The following SULF2 variants were observed in gnomAD, a reference collection of about 807,000 sequenced individuals.
The protein encoded by SULF2 is extracellular sulfatase Sulf-2.
Under a neutral mutation model 107.7 loss-of-function variants are expected in SULF2, and 52 were observed. The observed-to-expected ratio is 0.48, with a 90% CI of 0.39 to 0.61. The LOEUF (loss-of-function observed/expected upper bound fraction) is 0.61. Ranked by LOEUF, SULF2 falls within the 20% of genes least tolerant of loss-of-function variation. The pLI, the probability that SULF2 is intolerant of heterozygous loss-of-function variation, is 0.00. For synonymous variants in SULF2, 460 were observed against 464.3 expected, an observed-to-expected ratio of 0.99 and a Z score of 0.12; for missense variants, 993 against 1,177.3, an observed-to-expected ratio of 0.84 and a Z score of 2.29.
chr20:47,681,928 G>A (rs192222349), intron 7 of SULF2, among the ~76,000 whole-genome samples: 1 of 152,262 alleles, frequency 6.6e-6, no homozygotes, highest in East Asian at 1.9e-4. Flanking sequence ...CAAATGATCT[G>A]CCCACCTGGG....
Position 47,688,490 on chromosome 20 carries a change from C to T in SULF2, c.737+1636G>A, listed in dbSNP as rs146907144. 4.0e-3 allele frequency among the ~76,000 whole-genome samples: 611 copies of T among 152,314 alleles called. 4 individuals carry two copies. Among genetic ancestry groups the T allele is most frequent in the African/African-American group, 0.014 (574 of 41,572 alleles). Reference sequence around the variant, plus strand: ...CGCTCGCTGCTGTTTGGGGTGAAGCCGGCACCTCTTTTAGAGATGCTGCCG... The same window carrying T: ...CGCTCGCTGCTGTTTGGGGTGAAGCTGGCACCTCTTTTAGAGATGCTGCCG... On this transcript the variant is annotated intron_variant, in intron 5 of 20. Coordinates refer to ENST00000688720, the MANE Select transcript of SULF2 (RefSeq NM_001387048.1).
chr20:47,715,725 G>C (rs1159880117), intron 3 of SULF2, among the ~76,000 whole-genome samples: 1 of 152,114 alleles, frequency 6.6e-6, no homozygotes, highest in Non-Finnish European at 1.5e-5. Flanking sequence ...GGGATTACAG[G>C]TGTTCGCCAC....
chr20:47,746,354 G>A (rs2090035680), intron 2 of SULF2, among the ~76,000 whole-genome samples: 1 of 152,190 alleles, frequency 6.6e-6, no homozygotes, highest in South Asian at 2.1e-4. Flanking sequence ...GGGCTATGAG[G>A]TCGAGCCACA....
chr20:47,659,861 T>C, intron 18 of SULF2, 131 bp from the exon 19 acceptor site: 3 of 694,062 alleles, frequency 4.3e-6, no homozygotes, highest in Non-Finnish European at 5.0e-6. Flanking sequence ...CTACTCAGAG[T>C]AGACTGAATT....
At chr20:47,783,129 A>G (rs1398063105) in intron 1 of SULF2, among the ~76,000 whole-genome samples, 25 of 152,230 alleles carry the variant, frequency 1.6e-4, no homozygotes, top group Admixed American at 1.6e-3. Context: ...TGAGTAAGGT[A>G]TAAGGGCTTA....
At chr20:47,739,283 A>G (rs536311679) in intron 2 of SULF2, among the ~76,000 whole-genome samples, 57 of 152,322 alleles carry the variant, frequency 3.7e-4, no homozygotes, top group African/African-American at 1.3e-3. Flanking sequence ...GCAACCCCCT[A>G]GAAACCTGAA....
rs1286603977 is a variant in SULF2, at chr20:47,745,462, T to TAC, written c.176-8522_176-8521dup. Among the ~76,000 whole-genome samples the TAC allele has an allele frequency of 8.9e-4, 18 of 20,250 alleles. 2 individuals are homozygous for TAC. Among genetic ancestry groups the TAC allele is most frequent in the East Asian group, 6.6e-3 (2 of 302 alleles). 13.3% of individuals were successfully genotyped at this position (20,250 alleles called of 152,430 possible). A position where few individuals can be genotyped will look rare whatever the true frequency, so the allele number is the denominator to read the frequency against. Reference sequence around the variant, plus strand: ...ATATATATATATATATATATACACATACACACACACTTTTTTAGTTCAATG... The same window carrying TAC: ...ATATATATATATATATATATACACATACACACACACACTTTTTTAGTTCAATG... On this transcript the variant is annotated intron_variant, in intron 2 of 20. Coordinates refer to ENST00000688720, the MANE Select transcript of SULF2 (RefSeq NM_001387048.1).
intron 3 of SULF2, among the ~76,000 whole-genome samples, chr20:47,717,426 G>A (rs1175036804): frequency 6.6e-6 from 1 of 152,176 alleles, no homozygotes. Context: ...CTCTCAGCAG[G>A]ACTCCAGCGA....
intron 3 of SULF2, among the ~76,000 whole-genome samples, chr20:47,716,631 T>G (rs1600558198): frequency 6.6e-6 from 1 of 152,230 alleles, no homozygotes; most frequent in Non-Finnish European, 1.5e-5. Flanking sequence ...GCAGGATTCT[T>G]AAATCTGTTT....
chr20:47,750,353 C>G (rs1250948916), intron 2 of SULF2, among the ~76,000 whole-genome samples: 1 of 152,222 alleles, frequency 6.6e-6, no homozygotes, highest in East Asian at 1.9e-4. Flanking sequence ...AGGCCACAAC[C>G]TTGGAGTCAT....
At chr20:47,742,600 T>A (rs894556911) in intron 2 of SULF2, among the ~76,000 whole-genome samples, 1 of 152,078 alleles carries the variant, frequency 6.6e-6, no homozygotes, top group Non-Finnish European at 1.5e-5. Context: ...CACGGTGGCT[T>A]TTTGGGGGCC....
chr20:47,737,609 C>T lies in SULF2; in HGVS notation c.176-667G>A, dbSNP rs184121565. Reference sequence around the variant, plus strand: ...ACCCCTCACCCCAAATCCAACCCATCGGCCTAGTACCCTCTCGTAGGGAGC... The same window carrying T: ...ACCCCTCACCCCAAATCCAACCCATTGGCCTAGTACCCTCTCGTAGGGAGC... On this transcript the variant is annotated intron_variant, in intron 2 of 20. Transcript: ENST00000688720. Among the ~76,000 whole-genome samples the T allele has an allele frequency of 5.9e-5, 9 of 152,172 alleles. No homozygotes were observed. In the East Asian group the frequency reaches 7.7e-4, roughly 13 times the overall value.
chr20:47,687,227 T>C (rs1000794821), intron 5 of SULF2, among the ~76,000 whole-genome samples: 6 of 152,118 alleles, frequency 3.9e-5, no homozygotes, highest in Non-Finnish European at 8.8e-5. Context: ...AGAAGGACAC[T>C]GAGGCCAGAA....
intron 1 of SULF2, among the ~76,000 whole-genome samples, chr20:47,764,577 G>C (rs2090488353): frequency 6.6e-6 from 1 of 152,240 alleles, no homozygotes; most frequent in Non-Finnish European, 1.5e-5. Flanking sequence ...CAATAAGCGA[G>C]AGGGAGTCCT....
chr20:47,757,322 A>G lies in SULF2; in HGVS notation c.42T>C (p.Thr14=), dbSNP rs777860462. 5.6e-6 allele frequency: 9 copies of G among 1,602,736 alleles called. No individual in the cohort carries two copies. Among genetic ancestry groups the G allele is most frequent in the South Asian group, 4.5e-5 (4 of 88,850 alleles). The change falls in exon 2 of 21, where the codon ACT becomes ACC. Residue 14 remains threonine (T), a synonymous_variant. Transcript: ENST00000688720. ...AGCTTCCACCCAGCAGGGAGAACACAGTTGCGGACAGCAAGCACAGCACGA... is the reference window on the plus strand; with the variant it reads ...AGCTTCCACCCAGCAGGGAGAACACGGTTGCGGACAGCAAGCACAGCACGA... ...PSLVLCLLSA[T]VFSLLGGSSA... is the part of the protein sequence containing the mutation.
In SULF2 at chr20:47,678,565, C is replaced by G; in HGVS notation, c.1193+111G>C. On this transcript the variant is annotated intron_variant, in intron 8 of 20. Coordinates refer to ENST00000688720, the MANE Select transcript of SULF2 (RefSeq NM_001387048.1). This position sits in a 1 kb window ranked among gnomAD's most constrained non-coding sequence, Gnocchi z 4.5. ...GGTTGGCATGGCGGGACCTGAGAACCCCAGCTCCCGACCCTTGGAGACCCC... is the reference window on the plus strand; with the variant it reads ...GGTTGGCATGGCGGGACCTGAGAACGCCAGCTCCCGACCCTTGGAGACCCC... The G allele has an allele frequency of 7.4e-7, 1 of 1,351,184 alleles. No homozygotes were observed. The highest frequency in any genetic ancestry group is 2.4e-5 in the East Asian group (1 of 41,564). The allele number at this position is 1,351,184 out of a possible 1,614,324, so 83.7% of individuals were successfully genotyped here.
chr20:47,718,337 T>C (rs1225049991), intron 3 of SULF2, among the ~76,000 whole-genome samples: 1 of 152,216 alleles, frequency 6.6e-6, no homozygotes, highest in Non-Finnish European at 1.5e-5. Flanking sequence ...GTTTTTATCA[T>C]AATATTATTG....
chr20:47,670,533 G>A (rs1253354714), intron 11 of SULF2, among the ~76,000 whole-genome samples: 4 of 149,644 alleles, frequency 2.7e-5, no homozygotes, highest in Admixed American at 6.7e-5. Flanking sequence ...GGATGAACCC[G>A]GAGAACATTA....
chr20:47,727,598 C>T (rs763095210), intron 3 of SULF2, among the ~76,000 whole-genome samples: 13 of 152,138 alleles, frequency 8.5e-5, no homozygotes, highest in Middle Eastern at 3.2e-3. Flanking sequence ...AAACCCTGCC[C>T]CATCGGCCTC....
Sources: allele counts gnomAD v4.1 joint callset (sites outside exome capture counted in the v4.1 genomes callset), GRCh38; gene constraint gnomAD v4.1.1; non-coding constraint Gnocchi (gnomAD v3.1); transcripts MANE v1.5; gene names NCBI Gene and HGNC (gene_info 2026-07-23, HGNC 2026-07-21).